The following BCL7A variants were observed in gnomAD, a reference collection of about 807,000 sequenced individuals.
BCL7A encodes the protein B-cell CLL/lymphoma 7 protein family member A.
BCL7A carries 11 observed loss-of-function variants against 28.4 expected under a neutral mutation model. That is an observed-to-expected ratio of 0.39 (90% CI 0.24 to 0.64). The LOEUF (loss-of-function observed/expected upper bound fraction) is 0.64. Among genes scored for constraint, BCL7A ranks in the 30% least tolerant of loss-of-function variants. The pLI, the probability that BCL7A is intolerant of heterozygous loss-of-function variation, is 0.50. For synonymous variants in BCL7A, 123 were observed against 103.3 expected (o/e 1.19, Z -1.15); for missense variants, 222 against 274.8 (o/e 0.81, Z 1.36).
At chr12:122,025,305 C>T (rs1006951798) in intron 1 of BCL7A, among the ~76,000 whole-genome samples, 3 of 149,780 alleles carry the variant, frequency 2.0e-5, no homozygotes, top group Non-Finnish European at 3.0e-5. Flanking sequence ...TGAGACCAGC[C>T]TGGGTCTCAA....
rs184271102 is a variant in BCL7A at position 122,029,331 on chromosome 12, G to A, written c.93-1369G>A. ...GAGGTGTCTGTGGTTTCGGCTGGCT[G>A]GGTTTGAGTATGCTCCGTCATCCCG... is the stretch of plus-strand genomic sequence containing the variant. On this transcript the variant is annotated intron_variant, in intron 1 of 5. Coordinates refer to ENST00000261822, the MANE Select transcript of BCL7A (RefSeq NM_001024808.3). The surrounding 1 kb of genome is among the most constrained non-coding windows in gnomAD (Gnocchi z 4.3). 3.1e-3 allele frequency among the ~76,000 whole-genome samples: 476 copies of A among 152,258 alleles called. 4 individuals carry two copies. The highest frequency in any genetic ancestry group is 0.011 in the African/African-American group (449 of 41,548).
intron 4 of BCL7A, among the ~76,000 whole-genome samples, chr12:122,054,308 C>T (rs925568761): frequency 2.0e-5 from 3 of 152,158 alleles, no homozygotes; most frequent in African/African-American, 7.2e-5. Context: ...AGGATGGTCT[C>T]GATCTCCTGA....
rs1207376626 is a variant in BCL7A, at chr12:122,059,901, T to A, written c.*738T>A. 1 of 232,276 alleles carries A rather than the reference T, an allele frequency of 4.3e-6. No individual in the cohort carries two copies. The highest frequency in any genetic ancestry group is 8.5e-6 in the Non-Finnish European group (1 of 117,514). 14.4% of individuals were successfully genotyped at this position (232,276 alleles called of 1,614,324 possible). ...GGCACTCGCTGTGCTCTCCCCTCCTTGGGGCGTTTAGGACTGGGCGTCTCC... is the reference window on the plus strand; with the variant it reads ...GGCACTCGCTGTGCTCTCCCCTCCTAGGGGCGTTTAGGACTGGGCGTCTCC... On this transcript the variant is annotated 3_prime_UTR_variant, in exon 6 of 6. Coordinates refer to ENST00000261822, the MANE Select transcript of BCL7A (RefSeq NM_001024808.3). This position sits in a 1 kb window ranked among gnomAD's most constrained non-coding sequence, Gnocchi z 4.0.
At position 122,021,927 on chromosome 12, in the gene BCL7A, T is replaced by TATGC. The variant is rs1883462818; in HGVS notation, c.-165_-164insATGC. 1 of 370,746 alleles carries TATGC rather than the reference T, an allele frequency of 2.7e-6. No individual in the cohort carries two copies. The highest frequency in any genetic ancestry group is 5.2e-5 in the Admixed American group (1 of 19,296). 23.0% of individuals were successfully genotyped at this position (370,746 alleles called of 1,614,324 possible). ...GGCGGCCCCGGGCTTTGTGTGTGTG[T>TATGC]GTATGTGTGTGTGTGTGTGTGTGTG... On this transcript the variant is annotated 5_prime_UTR_variant, in exon 1 of 6. It adds an upstream start codon to the 5' untranslated region. Coordinates refer to ENST00000261822, the MANE Select transcript of BCL7A (RefSeq NM_001024808.3).
rs186732965 is a variant in BCL7A, at chr12:122,040,669, T to G, written c.272-3217T>G. On this transcript the variant is annotated intron_variant, in intron 3 of 5. Coordinates refer to ENST00000261822, the MANE Select transcript of BCL7A (RefSeq NM_001024808.3). ...TTTCTGATTTTCATTTTAGTGCACG[T>G]GCAGCCGAAAGCCAGTCAGACTGCA... Among the ~76,000 whole-genome samples the G allele has an allele frequency of 4.0e-4, 61 of 151,914 alleles. No individual in the cohort carries two copies. In the East Asian group the frequency reaches 9.3e-3, roughly 23 times the overall value.
chr12:122,025,236 G>A (rs546906829), intron 1 of BCL7A, among the ~76,000 whole-genome samples: 10 of 152,134 alleles, frequency 6.6e-5, no homozygotes, highest in East Asian at 5.8e-4. Flanking sequence ...GGTGGCTCAC[G>A]CCTGTAATCC....
intron 3 of BCL7A, among the ~76,000 whole-genome samples, chr12:122,038,431 C>CAAAAAAAAAAA (rs56376395): frequency 0.021 from 711 of 33,516 alleles, 122 homozygotes; most frequent in East Asian, 0.069. Flanking sequence ...GACTCTGCCT[C>CAAAAAAAAAAA]AAAAAAAAAA....
At chr12:122,049,942 C>T (rs1022104640) in intron 4 of BCL7A, among the ~76,000 whole-genome samples, 1 of 152,028 alleles carries the variant, frequency 6.6e-6, no homozygotes, top group African/African-American at 2.4e-5. Context: ...CAGGGGTTCT[C>T]AGCCTCAGCA....
At chr12:122,049,794 C>T (rs1253940926) in intron 4 of BCL7A, among the ~76,000 whole-genome samples, 1 of 152,044 alleles carries the variant, frequency 6.6e-6, no homozygotes, top group East Asian at 1.9e-4. Context: ...TCACTTTTGC[C>T]CAGGTGCAGG....
chr12:122,022,050 C>T lies in BCL7A; in HGVS notation c.-42C>T, dbSNP rs1289724671. On this transcript the variant is annotated 5_prime_UTR_variant, in exon 1 of 6. Coordinates refer to ENST00000261822, the MANE Select transcript of BCL7A (RefSeq NM_001024808.3). The stretch of plus-strand genomic sequence containing the variant: ...GGCCGCCGCGGAGCGCGAGCAGGAC[C>T]CGGCGGGCGCGCTCCCCAGCCTCCG... 5 of 1,514,600 alleles carry T rather than the reference C, an allele frequency of 3.3e-6. No homozygotes were observed. Among genetic ancestry groups the T allele is most frequent in the Non-Finnish European group, 4.4e-6 (5 of 1,124,580 alleles). 93.8% of individuals were successfully genotyped at this position (1,514,600 alleles called of 1,614,324 possible).
intron 4 of BCL7A, among the ~76,000 whole-genome samples, chr12:122,052,872 G>GGGGC: frequency 9.6e-6 from 1 of 104,092 alleles, no homozygotes; most frequent in African/African-American, 5.5e-5. Context: ...TTTAGTCGGG[G>GGGGC]GGGGGGGGGG....
At position 122,049,017 on chromosome 12, in the gene BCL7A, TAAAAAA is replaced by T. The variant is rs60471036; in HGVS notation, c.439+4978_439+4983del. Among the ~76,000 whole-genome samples, 791 of 90,400 alleles carry T rather than the reference TAAAAAA, an allele frequency of 8.8e-3. 10 individuals carry two copies. The highest frequency in any genetic ancestry group is 0.034 in the African/African-American group (709 of 21,044). 59.3% of individuals were successfully genotyped at this position (90,400 alleles called of 152,430 possible). On this transcript the variant is annotated intron_variant, in intron 4 of 5. Coordinates refer to ENST00000261822, the MANE Select transcript of BCL7A (RefSeq NM_001024808.3). ...GCCTGGGCAATGAGAGTGAAACGTGTAAAAAAAAAAAAAAAAAAATATATATATATA... is the reference window on the plus strand; with the variant it reads ...GCCTGGGCAATGAGAGTGAAACGTGTAAAAAAAAAAAAATATATATATATA...
At chr12:122,024,447 G>T (rs1385564573) in intron 1 of BCL7A, among the ~76,000 whole-genome samples, 2 of 140,842 alleles carry the variant, frequency 1.4e-5, no homozygotes, top group African/African-American at 5.4e-5. Flanking sequence ...TAGAAACTTG[G>T]CTTTGAGGTT....
intron 1 of BCL7A, among the ~76,000 whole-genome samples, chr12:122,023,677 T>C (rs191437798): frequency 2.0e-5 from 3 of 152,304 alleles, no homozygotes; most frequent in Non-Finnish European, 2.9e-5. Context: ...GTCGTCGGTG[T>C]CTCGGGAGCT....
At chr12:122,034,226 TATATATATATATATATATC>T (rs1396665228) in intron 2 of BCL7A, among the ~76,000 whole-genome samples, 19 of 119,312 alleles carry the variant, frequency 1.6e-4, no homozygotes, top group African/African-American at 6.1e-4. Flanking sequence ...TATATATATA[TATATATATATATATATATC>T]TTGGCGATAT....
intron 2 of BCL7A, among the ~76,000 whole-genome samples, 200 bp from the exon 3 acceptor site, chr12:122,035,131 G>C (rs1040149031): frequency 6.6e-6 from 1 of 152,184 alleles, no homozygotes; most frequent in Non-Finnish European, 1.5e-5. Flanking sequence ...GGGGCTCTCT[G>C]ATTCCACAGT....
intron 1 of BCL7A, among the ~76,000 whole-genome samples, chr12:122,023,461 G>A (rs1161257990): frequency 1.3e-5 from 2 of 152,170 alleles, no homozygotes; most frequent in Non-Finnish European, 2.9e-5. Context: ...CCGGTGTGGC[G>A]GTGTCACAAG....
At chr12:122,032,796 A>G (rs907011309) in intron 2 of BCL7A, among the ~76,000 whole-genome samples, 1 of 152,118 alleles carries the variant, frequency 6.6e-6, no homozygotes, top group African/African-American at 2.4e-5. Context: ...CGGTGCCGAG[A>G]AATGCAAATT....
At chr12:122,045,648 C>T (rs1256853981) in intron 4 of BCL7A, among the ~76,000 whole-genome samples, 1 of 152,096 alleles carries the variant, frequency 6.6e-6, no homozygotes, top group Non-Finnish European at 1.5e-5. Flanking sequence ...TGGCATAATA[C>T]TGTCCTATAT....
Sources: gnomAD v4.1 joint callset for allele counts (sites outside exome capture counted in the v4.1 genomes callset) on GRCh38, gnomAD v4.1.1 for gene constraint, Gnocchi (gnomAD v3.1) non-coding constraint, MANE v1.5 for transcripts, NCBI Gene and HGNC (gene_info 2026-07-23, HGNC 2026-07-21) for gene names.